SLC24A4: variants seen among roughly 807,000 people sequenced by gnomAD.
SLC24A4 encodes the protein sodium/potassium/calcium exchanger 4.
SLC24A4 carries 53 observed loss-of-function variants against 79.0 expected under a neutral mutation model. That is an observed-to-expected ratio of 0.67 (90% confidence interval 0.54 to 0.84). The LOEUF (loss-of-function observed/expected upper bound fraction) is 0.84. Among genes scored for constraint, SLC24A4 ranks in the 40% least tolerant of loss-of-function variants. The probability of loss-of-function intolerance (pLI) is 0.00; values close to 1 mark genes in which losing one functional copy is unlikely to be tolerated. For missense variants in SLC24A4, 731 were observed against 822.0 expected (o/e 0.89, Z 1.35); for synonymous variants, 323 against 323.8 (o/e 1.00, Z 0.03).
At chr14:92,460,138 T>C (rs1056688281) in intron 12 of SLC24A4, among the ~76,000 whole-genome samples, 3 of 152,054 alleles carry the variant, frequency 2.0e-5, no homozygotes, top group Non-Finnish European at 4.4e-5. Context: ...TGTGCAGATA[T>C]CGTGTGTTGT....
chr14:92,380,007 C>A (rs1888743671), intron 2 of SLC24A4, among the ~76,000 whole-genome samples: 1 of 152,180 alleles, frequency 6.6e-6, no homozygotes. Flanking sequence ...GTGTCCCCCT[C>A]CCTCCCACCA....
intron 2 of SLC24A4, among the ~76,000 whole-genome samples, chr14:92,332,379 T>C (rs572146509): frequency 4.6e-5 from 7 of 152,264 alleles, no homozygotes; most frequent in East Asian, 3.9e-4. Flanking sequence ...GTGAAGTTAT[T>C]GGGGAGTCAA....
chr14:92,423,409 T>C (rs1891395425), intron 2 of SLC24A4, among the ~76,000 whole-genome samples: 1 of 152,176 alleles, frequency 6.6e-6, no homozygotes, highest in African/African-American at 2.4e-5. Flanking sequence ...CCTTTCAAAG[T>C]GCGGCCTCCT....
intron 12 of SLC24A4, among the ~76,000 whole-genome samples, chr14:92,474,856 T>TAG (rs1344488210): frequency 0.046 from 3,186 of 68,708 alleles, 242 homozygotes; most frequent in East Asian, 0.17. Context: ...TATATATATA[T>TAG]ATATATATTT....
At chr14:92,374,099 G>T (rs1317402896) in intron 2 of SLC24A4, among the ~76,000 whole-genome samples, 1 of 152,246 alleles carries the variant, frequency 6.6e-6, no homozygotes, top group Non-Finnish European at 1.5e-5. Flanking sequence ...CAGCCAAAAT[G>T]CAGAGAACCC....
chr14:92,390,676 A>G (rs1195608681), intron 2 of SLC24A4, among the ~76,000 whole-genome samples: 1 of 152,086 alleles, frequency 6.6e-6, no homozygotes, highest in Non-Finnish European at 1.5e-5. Context: ...GTGCCTTTCT[A>G]TGCTATTGAA....
intron 3 of SLC24A4, among the ~76,000 whole-genome samples, chr14:92,438,042 A>G (rs1892271175): frequency 6.6e-6 from 1 of 152,196 alleles, no homozygotes; most frequent in East Asian, 1.9e-4. Flanking sequence ...AGCAGACACC[A>G]GCTGGGTGTC....
chr14:92,333,636 G>A lies in SLC24A4; in HGVS notation c.241+7658G>A, dbSNP rs374089655. The stretch of plus-strand genomic sequence containing the variant: ...TGTGTCCACAGAAGAAAGGCTGGGA[G>A]AAGCGGGCTGATGCAGGCTGCTAAG... On this transcript the variant is annotated intron_variant, in intron 2 of 16. Transcript: ENST00000532405. Among the ~76,000 whole-genome samples, 21 of 152,328 alleles carry A rather than the reference G, an allele frequency of 1.4e-4. No individual in the cohort carries two copies. The East Asian group carries it at 3.7e-3, about 27-fold the overall frequency.
At chr14:92,430,448 A>G (rs112123286) in intron 2 of SLC24A4, among the ~76,000 whole-genome samples, 138 of 152,352 alleles carry the variant, frequency 9.1e-4, no homozygotes, top group African/African-American at 3.2e-3. Flanking sequence ...GGCAGATTGT[A>G]GGGTGCTGAG....
Position 92,439,402 on chromosome 14 carries a change from T to C in SLC24A4, c.386T>C (p.Ile129Thr). The C allele has an allele frequency of 2.5e-6, 4 of 1,612,606 alleles. No homozygotes were observed. Among genetic ancestry groups the C allele is most frequent in the Non-Finnish European group, 3.4e-6 (4 of 1,178,776 alleles). ...DDFFVPSLEK[I>T]CERLHLSEDV... ...TTCTTTGTTCCGTCTCTAGAGAAGA[T>C]CTGTGAGGTATGTGGAAGGGACTTG... The change falls in exon 4 of 17, where the codon ATC becomes ACC. Residue 129 changes from isoleucine (I) to threonine (T), a missense_variant. By Grantham distance (89) the Ile-to-Thr change is moderately conservative. Coordinates refer to ENST00000532405, the MANE Select transcript of SLC24A4 (RefSeq NM_153646.4).
rs141422627 is a variant in SLC24A4, at chr14:92,337,250, C to T, written c.241+11272C>T. On this transcript the variant is annotated intron_variant, in intron 2 of 16. Coordinates refer to ENST00000532405, the MANE Select transcript of SLC24A4 (RefSeq NM_153646.4). The stretch of plus-strand genomic sequence containing the variant: ...GGCTGTGCTTGGCTCAGTATTAGCT[C>T]ATGGCAGATTGCGATGATAAGAATG... Among the ~76,000 whole-genome samples, 91 of 152,280 alleles carry T rather than the reference C, an allele frequency of 6.0e-4. 1 individual carries two copies. The highest frequency in any genetic ancestry group is 2.0e-3 in the African/African-American group (85 of 41,544).
At chr14:92,458,678 G>A (rs1449438538) in intron 12 of SLC24A4, among the ~76,000 whole-genome samples, 1 of 152,208 alleles carries the variant, frequency 6.6e-6, no homozygotes, top group African/African-American at 2.4e-5. Flanking sequence ...GACGGGCCCT[G>A]TATTCACAGA....
intron 2 of SLC24A4, among the ~76,000 whole-genome samples, chr14:92,378,807 C>T (rs1224332312): frequency 6.6e-6 from 1 of 152,180 alleles, no homozygotes; most frequent in Admixed American, 6.5e-5. Context: ...CCTAGCTACT[C>T]AGGAGACTGA....
At chr14:92,381,661 T>A (rs901509251) in intron 2 of SLC24A4, among the ~76,000 whole-genome samples, 1 of 152,184 alleles carries the variant, frequency 6.6e-6, no homozygotes, top group African/African-American at 2.4e-5. Flanking sequence ...TGCACAGTAG[T>A]TTTAAGTTCT....
chr14:92,429,920 A>G (rs1367828407), intron 2 of SLC24A4, among the ~76,000 whole-genome samples: 1 of 152,210 alleles, frequency 6.6e-6, no homozygotes, highest in Non-Finnish European at 1.5e-5. Flanking sequence ...CATGTTCCCC[A>G]ACAACTCTCC....
At chr14:92,435,051 G>C (rs1892090174) in intron 3 of SLC24A4, among the ~76,000 whole-genome samples, 1 of 152,166 alleles carries the variant, frequency 6.6e-6, no homozygotes, top group Non-Finnish European at 1.5e-5. Flanking sequence ...TGGGACTACA[G>C]GTGTGAGCCA....
At chr14:92,376,580 C>T (rs1282110827) in intron 2 of SLC24A4, among the ~76,000 whole-genome samples, 1 of 152,272 alleles carries the variant, frequency 6.6e-6, no homozygotes, top group Non-Finnish European at 1.5e-5. Context: ...AGCTGACTGG[C>T]TGGCCCATAC....
intron 2 of SLC24A4, among the ~76,000 whole-genome samples, chr14:92,404,566 C>A (rs1595227897): frequency 6.6e-6 from 1 of 152,308 alleles, no homozygotes; most frequent in Non-Finnish European, 1.5e-5. Flanking sequence ...GTTCCTTGTC[C>A]CTGATATCCT....
intron 2 of SLC24A4, among the ~76,000 whole-genome samples, chr14:92,423,291 C>T (rs4904908): frequency 0.42 from 63,038 of 151,770 alleles, 13,329 homozygotes; most frequent in Non-Finnish European, 0.44. Flanking sequence ...ATTACAGGCA[C>T]GCGCGACCAT....
Sources: allele counts gnomAD v4.1 joint callset (sites outside exome capture counted in the v4.1 genomes callset), GRCh38; gene constraint gnomAD v4.1.1; transcripts MANE v1.5; gene names NCBI Gene and HGNC (gene_info 2026-07-23, HGNC 2026-07-21).